Variants in RASL11A observed in about 807,000 individuals in gnomAD.
RASL11A encodes the protein RAS like family 11 member A.
RASL11A carries 14 observed loss-of-function variants against 17.1 expected under a neutral mutation model. The ratio of observed to expected loss-of-function variants is 0.82; its 90% confidence interval spans 0.54 to 1.28. The LOEUF (loss-of-function observed/expected upper bound fraction) is 1.28. Among genes scored for constraint, RASL11A ranks in the 50% most tolerant of loss-of-function variants. The pLI, the probability that RASL11A is intolerant of heterozygous loss-of-function variation, is 0.00. For missense variants in RASL11A, 283 were observed against 312.3 expected (o/e 0.91, Z 0.71); for synonymous variants, 146 against 132.5 (o/e 1.10, Z -0.70).
At chr13:27,271,320 A>G in intron 1 of RASL11A, 164 bp from the exon 2 acceptor site, 1 of 1,473,342 alleles carries the variant, frequency 6.8e-7, no homozygotes, top group Non-Finnish European at 9.0e-7. Flanking sequence ...GTGTCCCGCC[A>G]GTCGTACTCG....
In RASL11A at chr13:27,271,084, A is replaced by AC; in HGVS notation, c.124+21dup. 1.3e-6 allele frequency: 2 copies of AC among 1,549,834 alleles called. No homozygotes were observed. Among genetic ancestry groups the AC allele is most frequent in the African/African-American group, 1.4e-5 (1 of 72,472 alleles). On this transcript the variant is annotated intron_variant, in intron 1 of 3. Coordinates refer to ENST00000241463, the MANE Select transcript of RASL11A (RefSeq NM_206827.2). ...GGCAAGAGCGGTGAGTGCGGCGGGG[A>AC]CCCCCGGGCGGCTTCGCTCCCCGGC...
rs1882450989 is a variant in RASL11A at position 27,275,192 on chromosome 13, A to G, written c.*1698A>G. ...TAATTTGGATTCCATCTTTTAAAAA[A>G]TGCCTCACATTCTCCTTGTTTGCGT... On this transcript the variant is annotated 3_prime_UTR_variant, in exon 4 of 4. Coordinates refer to ENST00000241463, the MANE Select transcript of RASL11A (RefSeq NM_206827.2). Among the ~76,000 whole-genome samples the G allele has an allele frequency of 2.0e-5, 3 of 152,218 alleles. No homozygotes were observed. Among genetic ancestry groups the G allele is most frequent in the Non-Finnish European group, 4.4e-5 (3 of 68,040 alleles).
chr13:27,273,411 C>G lies in RASL11A; in HGVS notation c.646C>G (p.Arg216Gly). Reference sequence around the variant, plus strand: ...AAGAGCCTCCATCATCCCTCGGCCCCGCTCTCCCAACATGCAGGACCTGAA... The same window carrying G: ...AAGAGCCTCCATCATCCCTCGGCCCGGCTCTCCCAACATGCAGGACCTGAA... ...RRRASIIPRPRSPNMQDLKRR... is the reference protein window; with the variant it reads ...RRRASIIPRPGSPNMQDLKRR... Residue 216 changes from arginine (R) to glycine (G), a missense_variant, in exon 4 of 4, where the codon CGC becomes GGC. Coordinates refer to ENST00000241463, the MANE Select transcript of RASL11A (RefSeq NM_206827.2). The G allele has an allele frequency of 6.2e-7, 1 of 1,614,164 alleles. No homozygotes were observed. Among genetic ancestry groups the G allele is most frequent in the Non-Finnish European group, 8.5e-7 (1 of 1,180,030 alleles).
Position 27,273,080 on chromosome 13 carries a change from G to A in RASL11A, c.315G>A (p.Trp105Ter). 1.2e-6 allele frequency: 2 copies of A among 1,614,154 alleles called. No individual in the cohort carries two copies. The highest frequency in any genetic ancestry group is 2.2e-5 in the East Asian group (1 of 44,886). The stretch of plus-strand genomic sequence containing the variant: ...ATTCCCTGTCCAAATGCGTGCAGTG[G>A]GCCGAGGGTTTTCTGCTGGTCTATT... ...VVDSLSKCVQWAEGFLLVYSI... is the reference protein window; with the variant it reads ...VVDSLSKCVQ The change falls in exon 4 of 4, where the codon TGG becomes TGA. Residue 105 changes from tryptophan to a stop codon, truncating the protein, a stop_gained. Coordinates refer to ENST00000241463, the MANE Select transcript of RASL11A (RefSeq NM_206827.2). LOFTEE classifies it high-confidence loss of function.
Position 27,273,788 on chromosome 13 carries a change from CT to C in RASL11A, c.*299del. The stretch of plus-strand genomic sequence containing the variant: ...ACATTGCTCATTGTTTTCTCAATGT[CT>C]TTTTATAGAAATTGTACTTGCACCA... On this transcript the variant is annotated 3_prime_UTR_variant, in exon 4 of 4. Transcript: ENST00000241463. 4.0e-6 allele frequency: 1 copy of C among 251,184 alleles called. No individual in the cohort carries two copies. Among genetic ancestry groups the C allele is most frequent in the Non-Finnish European group, 6.8e-6 (1 of 147,430 alleles). 15.6% of individuals were successfully genotyped at this position (251,184 alleles called of 1,614,324 possible).
chr13:27,271,420 C>G (rs550826534), intron 1 of RASL11A, 64 bp from the exon 2 acceptor site: 1 of 1,598,082 alleles, frequency 6.3e-7, no homozygotes. Context: ...CCAGTTTGTC[C>G]GAGGTGCCTG....
rs1472104820 is a variant in RASL11A at position 27,275,092 on chromosome 13, C to A, written c.*1598C>A. Among the ~76,000 whole-genome samples, 2 of 152,172 alleles carry A rather than the reference C, an allele frequency of 1.3e-5. No homozygotes were observed. Among genetic ancestry groups the A allele is most frequent in the Non-Finnish European group, 2.9e-5 (2 of 68,040 alleles). On this transcript the variant is annotated 3_prime_UTR_variant, in exon 4 of 4. Transcript: ENST00000241463. ...ACTTTTCCCTGTAGTTGAAGGGAGT[C>A]TACCTATACAAAATGGCATGAAGGG... is the stretch of plus-strand genomic sequence containing the variant.
intron 3 of RASL11A, 146 bp downstream of exon 3, chr13:27,271,864 C>T (rs1882303359): frequency 6.2e-6 from 4 of 643,130 alleles, no homozygotes; most frequent in Admixed American, 2.9e-5. Context: ...ATGGGCTGTC[C>T]ACAGGTGGGG....
rs1177951417 is a variant in RASL11A, at chr13:27,273,544, A to T, written c.*50A>T. 2 of 1,416,238 alleles carry T rather than the reference A, an allele frequency of 1.4e-6. No homozygotes were observed. 87.7% of individuals were successfully genotyped at this position (1,416,238 alleles called of 1,614,324 possible). On this transcript the variant is annotated 3_prime_UTR_variant, in exon 4 of 4. Transcript: ENST00000241463. ...TTTTTAATACGCATTTGTGCAGCTA[A>T]AAGACTGGGCTTCTCGCTTTTTAAT...
Position 27,271,622 on chromosome 13 carries a change from T to G in RASL11A, c.182-17T>G, listed in dbSNP as rs1254940257. On this transcript the variant is annotated splice_polypyrimidine_tract_variant and intron_variant, in intron 2 of 3. Transcript: ENST00000241463. Reference sequence around the variant, plus strand: ...GGAGTTTGAGAATTAAAAAGCAAACTCTACTTCATTCTCCAGGCAAGCTGT... The same window carrying G: ...GGAGTTTGAGAATTAAAAAGCAAACGCTACTTCATTCTCCAGGCAAGCTGT... The G allele has an allele frequency of 1.9e-6, 3 of 1,613,812 alleles. No individual in the cohort carries two copies. In the African/African-American group the frequency reaches 4.0e-5, roughly 22 times the overall value.
chr13:27,274,212 T>G lies in RASL11A; in HGVS notation c.*718T>G, dbSNP rs1489517198. Among the ~76,000 whole-genome samples, 1 of 152,180 alleles carries G rather than the reference T, an allele frequency of 6.6e-6. No individual in the cohort carries two copies. Among genetic ancestry groups the G allele is most frequent in the Non-Finnish European group, 1.5e-5 (1 of 68,032 alleles). ...CACCAGATATGTCCATCCTCACTCC[T>G]GTTTTTCTCTAAAGCCTCACTGTCC... On this transcript the variant is annotated 3_prime_UTR_variant, in exon 4 of 4. Transcript: ENST00000241463.
In RASL11A at chr13:27,273,160, G is replaced by A. The variant is rs1187737559; in HGVS notation, c.395G>A (p.Arg132Gln). 8.7e-6 allele frequency: 14 copies of A among 1,614,026 alleles called. No homozygotes were observed. Among genetic ancestry groups the A allele is most frequent in the African/African-American group, 2.7e-5 (2 of 74,912 alleles). Reference sequence around the variant, plus strand: ...ATCCGACCCCTTTATCAGCACATCCGGAAGGTCCACCCTGACTCTAAAGCC... The same window carrying A: ...ATCCGACCCCTTTATCAGCACATCCAGAAGGTCCACCCTGACTCTAAAGCC... ...LSIRPLYQHIRKVHPDSKAPV... is the reference protein window; with the variant it reads ...LSIRPLYQHIQKVHPDSKAPV... Residue 132 changes from arginine (R) to glutamine (Q), a missense_variant, in exon 4 of 4, where the codon CGG becomes CAG. By Grantham distance (43) the Arg-to-Gln change is conservative. Transcript: ENST00000241463.
intron 3 of RASL11A, among the ~76,000 whole-genome samples, chr13:27,271,940 A>G (rs1882305477): frequency 1.3e-5 from 2 of 152,198 alleles, no homozygotes; most frequent in African/African-American, 4.8e-5. Flanking sequence ...TCCTCTTGTT[A>G]AGCACCTGAC....
chr13:27,270,995 G>T lies in RASL11A; in HGVS notation c.51G>T (p.Glu17Asp). The change falls in exon 1 of 4, where the codon GAG becomes GAT. Residue 17 changes from glutamate (E) to aspartate (D), a missense_variant. By Grantham distance (45) the Glu-to-Asp change is conservative (BLOSUM62 2). Coordinates refer to ENST00000241463, the MANE Select transcript of RASL11A (RefSeq NM_206827.2). ...SGHFLLAPIP[E>D]SSSDYLLPKD... is the part of the protein sequence containing the mutation. ...ACTTTCTGCTCGCACCCATCCCCGA[G>T]TCCTCCTCGGACTACCTACTGCCCA... The T allele has an allele frequency of 3.8e-6, 6 of 1,594,910 alleles. No homozygotes were observed. The highest frequency in any genetic ancestry group is 5.1e-6 in the Non-Finnish European group (6 of 1,171,090).
chr13:27,270,878 G>A lies in RASL11A; in HGVS notation c.-67G>A, dbSNP rs977629560. On this transcript the variant is annotated 5_prime_UTR_variant, in exon 1 of 4. Transcript: ENST00000241463. The stretch of plus-strand genomic sequence containing the variant: ...CTCTAGTCCCGCACTCCCAGCTGGC[G>A]AGCCGGCTCCGGGTGCGGCGAGGCC... 37 of 1,535,248 alleles carry A rather than the reference G, an allele frequency of 2.4e-5. No individual in the cohort carries two copies. The African/African-American group carries it at 4.9e-4, about 20-fold the overall frequency.
At chr13:27,271,213 C>T (rs575430362) in intron 1 of RASL11A, 145 bp downstream of exon 1, 9 of 1,454,578 alleles carry the variant, frequency 6.2e-6, no homozygotes, top group South Asian at 5.9e-5. Flanking sequence ...GGGTGGGTCC[C>T]GGTCCGTCCC....
intron 3 of RASL11A, among the ~76,000 whole-genome samples, chr13:27,272,057 C>T (rs1475240241): frequency 6.6e-6 from 1 of 151,982 alleles, no homozygotes; most frequent in African/African-American, 2.4e-5. Context: ...ACGTTTAAAA[C>T]AAAACAAAAC....
At chr13:27,271,755 C>T (rs1306507926) in intron 3 of RASL11A, 37 bp downstream of exon 3, 1 of 1,545,210 alleles carries the variant, frequency 6.5e-7, no homozygotes, top group Non-Finnish European at 8.8e-7. Flanking sequence ...CACCCCCACC[C>T]GTGAGACCAC....
At position 27,274,341 on chromosome 13, in the gene RASL11A, A is replaced by G. The variant is rs1882410058; in HGVS notation, c.*847A>G. Among the ~76,000 whole-genome samples, 1 of 152,212 alleles carries G rather than the reference A, an allele frequency of 6.6e-6. No individual in the cohort carries two copies. The highest frequency in any genetic ancestry group is 1.5e-5 in the Non-Finnish European group (1 of 68,040). On this transcript the variant is annotated 3_prime_UTR_variant, in exon 4 of 4. Transcript: ENST00000241463. ...CCTAATTGTCTCTTCACATCAGAAC[A>G]ATGCTACTAAAACTAACCCTAATCA...
Sources: allele counts gnomAD v4.1 joint callset (sites outside exome capture counted in the v4.1 genomes callset), GRCh38; gene constraint gnomAD v4.1.1; transcripts MANE v1.5; gene names NCBI Gene and HGNC (gene_info 2026-07-23, HGNC 2026-07-21).